NLGN1: variants seen among roughly 807,000 people sequenced by gnomAD.
The protein encoded by NLGN1 is neuroligin-1.
A neutral mutation model predicts 65.5 loss-of-function variants in NLGN1; 12 were observed. The observed-to-expected ratio is 0.18, with a 90% CI of 0.12 to 0.30. NLGN1 has a LOEUF of 0.30. Ranked by LOEUF, NLGN1 falls within the 10% of genes least tolerant of loss-of-function variation. The pLI is 1.00. For synonymous variants in NLGN1, 350 were observed against 359.5 expected, an observed-to-expected ratio of 0.97 and a Z score of 0.30; for missense variants, 750 against 1,007.1, an observed-to-expected ratio of 0.74 and a Z score of 3.46.
At chr3:173,808,054 TC>T (rs1464255329) in intron 4 of NLGN1, among the ~76,000 whole-genome samples, 15 of 152,138 alleles carry the variant, frequency 9.9e-5, no homozygotes, top group Non-Finnish European at 1.9e-4. Flanking sequence ...GGAATGTACT[TC>T]CTGGTTTATA....
chr3:173,519,946 G>A (rs1391668219), intron 2 of NLGN1, among the ~76,000 whole-genome samples: 1 of 152,156 alleles, frequency 6.6e-6, no homozygotes, highest in African/African-American at 2.4e-5. Flanking sequence ...TGAAGTGTTG[G>A]AGGTGGGACC....
chr3:174,079,978 AC>A (rs1268586257), intron 4 of NLGN1, among the ~76,000 whole-genome samples: 1 of 152,040 alleles, frequency 6.6e-6, no homozygotes, highest in Non-Finnish European at 1.5e-5. Flanking sequence ...TGTACCACAA[AC>A]CCCCATGACA....
chr3:173,647,155 G>T (rs1418902455), intron 3 of NLGN1, among the ~76,000 whole-genome samples: 4 of 152,056 alleles, frequency 2.6e-5, no homozygotes, highest in Non-Finnish European at 5.9e-5. Context: ...AAGCCTAAAT[G>T]CTTATGCTTC....
chr3:173,839,925 G>C (rs534334159), intron 4 of NLGN1, among the ~76,000 whole-genome samples: 4 of 152,290 alleles, frequency 2.6e-5, no homozygotes, highest in African/African-American at 9.6e-5. Context: ...AAGCAACTGA[G>C]GCACAGAAAT....
chr3:173,922,548 A>G (rs1742249571), intron 4 of NLGN1, among the ~76,000 whole-genome samples: 1 of 152,126 alleles, frequency 6.6e-6, no homozygotes, highest in Non-Finnish European at 1.5e-5. Flanking sequence ...AAATTATTTA[A>G]AATTTCATCC....
intron 2 of NLGN1, among the ~76,000 whole-genome samples, chr3:173,449,718 A>C (rs1721111548): frequency 1.3e-5 from 2 of 152,164 alleles, no homozygotes; most frequent in Non-Finnish European, 2.9e-5. Context: ...CAGGTCACTA[A>C]GGACTTGCTT....
At chr3:174,239,045 GTTCT>G (rs1289046609) in intron 4 of NLGN1, among the ~76,000 whole-genome samples, 3 of 151,756 alleles carry the variant, frequency 2.0e-5, no homozygotes, top group Admixed American at 6.6e-5. Flanking sequence ...ATATTGCCTA[GTTCT>G]TTCTTTCTTT....
chr3:174,264,977 C>T (rs1318224055), intron 4 of NLGN1, among the ~76,000 whole-genome samples: 1 of 152,134 alleles, frequency 6.6e-6, no homozygotes, highest in Non-Finnish European at 1.5e-5. Context: ...TGGGGGGTGC[C>T]TCCCATTTAG....
rs1037531174 is a variant in NLGN1, at chr3:173,914,086, A to G, written c.646+106254A>G. Reference sequence around the variant, plus strand: ...AAATTTGGTTGCTCTGTGCTTCCTTACAATACACAGTTGATATATTTGGGC... The same window carrying G: ...AAATTTGGTTGCTCTGTGCTTCCTTGCAATACACAGTTGATATATTTGGGC... On this transcript the variant is annotated intron_variant, in intron 4 of 6. Coordinates refer to ENST00000457714, the Ensembl canonical transcript of NLGN1. Among the ~76,000 whole-genome samples, 7 of 152,206 alleles carry G rather than the reference A, an allele frequency of 4.6e-5. No homozygotes were observed. The East Asian group carries it at 9.6e-4, about 21-fold the overall frequency.
chr3:174,238,904 C>T (rs73882731), intron 4 of NLGN1, among the ~76,000 whole-genome samples: 16,908 of 151,382 alleles, frequency 0.11, 1,672 homozygotes, highest in African/African-American at 0.26. Flanking sequence ...TATACTTAAA[C>T]AAAAGGTCAT....
chr3:174,162,369 C>T (rs1191671862), intron 4 of NLGN1, among the ~76,000 whole-genome samples: 1 of 151,734 alleles, frequency 6.6e-6, no homozygotes, highest in Non-Finnish European at 1.5e-5. Context: ...CAGTGTAATC[C>T]AGTTATGGAT....
intron 4 of NLGN1, among the ~76,000 whole-genome samples, chr3:174,203,232 G>C (rs542892415): frequency 1.3e-5 from 2 of 152,124 alleles, no homozygotes; most frequent in African/African-American, 2.4e-5. Flanking sequence ...TTTCTGCCCT[G>C]TGCAGTCTCT....
intron 3 of NLGN1, among the ~76,000 whole-genome samples, chr3:173,637,630 GATACTATGATGT>G (rs1457664803): frequency 1.3e-5 from 2 of 152,196 alleles, no homozygotes; most frequent in African/African-American, 4.8e-5. Context: ...AGGATATTGA[GATACTATGATGT>G]TATGAGGCAT....
intron 4 of NLGN1, among the ~76,000 whole-genome samples, chr3:173,880,749 A>G (rs1008785168): frequency 1.6e-4 from 24 of 152,066 alleles, no homozygotes; most frequent in African/African-American, 5.5e-4. Flanking sequence ...TGCTGTTGCA[A>G]TTTCTTAAAG....
intron 4 of NLGN1, among the ~76,000 whole-genome samples, chr3:173,864,190 A>G (rs372160979): frequency 2.4e-4 from 37 of 152,348 alleles, no homozygotes; most frequent in African/African-American, 7.9e-4. Context: ...TTTCACAAGC[A>G]TAATATGACA....
intron 4 of NLGN1, among the ~76,000 whole-genome samples, chr3:174,146,051 T>C (rs768648273): frequency 2.6e-5 from 4 of 152,204 alleles, no homozygotes; most frequent in Non-Finnish European, 4.4e-5. Flanking sequence ...ACTATTAATA[T>C]ATGCATGTAC....
intron 4 of NLGN1, among the ~76,000 whole-genome samples, chr3:174,123,245 G>A (rs1013067428): frequency 6.6e-6 from 1 of 152,120 alleles, no homozygotes; most frequent in Admixed American, 6.6e-5. Context: ...CAGTGACAAA[G>A]GCAGAAAAAT....
exon 3 of NLGN1, chr3:173,604,483 A>T: frequency 8.6e-7 from 1 of 1,166,866 alleles, no homozygotes; most frequent in Non-Finnish European, 1.2e-6. Flanking sequence ...GCTTTTCTCG[A>T]CAAGCTCCCC....
At position 173,662,593 on chromosome 3, in the gene NLGN1, GT is replaced by G. The variant is rs1761084702; in HGVS notation, c.493+57505del. Among the ~76,000 whole-genome samples, 5 of 152,142 alleles carry G rather than the reference GT, an allele frequency of 3.3e-5. No homozygotes were observed. The South Asian group carries it at 1.0e-3, about 31-fold the overall frequency. Reference sequence around the variant, plus strand: ...TCTTACTCCTTTTGAAATAATAGATGTTTGATTTTCTGTGAATCTTTGGAAG... The same window carrying G: ...TCTTACTCCTTTTGAAATAATAGATGTTGATTTTCTGTGAATCTTTGGAAG... On this transcript the variant is annotated intron_variant, in intron 3 of 6. Transcript: ENST00000457714.
Sources: allele counts gnomAD v4.1 joint callset (sites outside exome capture counted in the v4.1 genomes callset), GRCh38; gene constraint gnomAD v4.1.1; transcripts MANE v1.5; gene names NCBI Gene and HGNC (gene_info 2026-07-23, HGNC 2026-07-21).